The following TRPM3 variants were observed in gnomAD, a reference collection of about 807,000 sequenced individuals.
TRPM3 encodes transient receptor potential cation channel subfamily M member 3, also known as long transient receptor potential channel 3.
A neutral mutation model predicts 181.2 loss-of-function variants in TRPM3; 77 were observed. The observed-to-expected ratio is 0.42, with a 90% CI of 0.35 to 0.51. TRPM3 has a LOEUF of 0.51. Among genes scored for constraint, TRPM3 ranks in the 20% least tolerant of loss-of-function variants. The probability of loss-of-function intolerance (pLI) is 0.01; values close to 1 mark genes in which losing one functional copy is unlikely to be tolerated. For missense variants in TRPM3, 1,759 were observed against 2,196.7 expected (o/e 0.80, Z 3.98); for synonymous variants, 745 against 796.4 (o/e 0.94, Z 1.09).
intron 22 of TRPM3, among the ~76,000 whole-genome samples, chr9:70,571,685 G>A (rs573803633): frequency 1.3e-5 from 2 of 152,186 alleles, no homozygotes; most frequent in East Asian, 1.9e-4. Context: ...TATCTTGTAG[G>A]ATTGTTGTGG....
In TRPM3 at chr9:70,553,004, G is replaced by C; in HGVS notation, c.3414C>G (p.Val1138=). The C allele has an allele frequency of 6.2e-7, 1 of 1,614,190 alleles. No homozygotes were observed. Among genetic ancestry groups the C allele is most frequent in the Admixed American group, 1.7e-5 (1 of 60,020 alleles). ...TGAGCTGATACCTCTGAAACTTCCA[G>C]ACTTGGTTGGATATCGATTTTACTT... The part of the protein sequence containing the change: ...FFEVKSISNQ[V]WKFQRYQLIM... The change falls in exon 24 of 26, where the codon GTC becomes GTG. Residue 1138 remains valine (V), a synonymous_variant. Coordinates refer to ENST00000677713, the MANE Select transcript of TRPM3 (RefSeq NM_001366145.2).
chr9:71,317,640 CAA>C (rs58631084), intron 1 of TRPM3, among the ~76,000 whole-genome samples: 45 of 126,312 alleles, frequency 3.6e-4, no homozygotes, highest in Non-Finnish European at 5.3e-4. Flanking sequence ...GACCCTCTCT[CAA>C]AAAAAAAAAA....
At chr9:70,591,909 A>C (rs541417751) in intron 21 of TRPM3, among the ~76,000 whole-genome samples, 66 of 152,292 alleles carry the variant, frequency 4.3e-4, no homozygotes, top group African/African-American at 1.4e-3. Context: ...TTTCTTGGGC[A>C]TTAGAATCAT....
At chr9:70,683,662 T>C (rs544174155) in intron 8 of TRPM3, among the ~76,000 whole-genome samples, 1 of 152,064 alleles carries the variant, frequency 6.6e-6, no homozygotes, top group Admixed American at 6.6e-5. Flanking sequence ...GGCCGTCAGG[T>C]AGAGGTGTGT....
intron 12 of TRPM3, 55 bp downstream of exon 12, chr9:70,635,156 A>G (rs2056946972): frequency 1.3e-6 from 2 of 1,528,058 alleles, no homozygotes; most frequent in South Asian, 2.3e-5. Context: ...GCACTCTCTA[A>G]TCACAGGAAG....
intron 1 of TRPM3, among the ~76,000 whole-genome samples, chr9:71,102,224 C>A (rs918225): frequency 2.0e-5 from 3 of 151,908 alleles, no homozygotes; most frequent in South Asian, 2.1e-4. Flanking sequence ...TGAAACCACC[C>A]GTCCTGGAAT....
At chr9:71,331,753 G>T (rs1171471605) in intron 1 of TRPM3, among the ~76,000 whole-genome samples, 6 of 130,324 alleles carry the variant, frequency 4.6e-5, no homozygotes, top group Non-Finnish European at 8.2e-5. Flanking sequence ...AGGAGGAAAA[G>T]GGGGAGAAAA....
chr9:71,430,743 G>A (rs938888607), intron 1 of TRPM3, among the ~76,000 whole-genome samples: 4 of 152,142 alleles, frequency 2.6e-5, no homozygotes, highest in South Asian at 2.1e-4. Flanking sequence ...CTCAAGAGGC[G>A]GAGGTTGCAG....
intron 7 of TRPM3, among the ~76,000 whole-genome samples, chr9:70,768,029 G>A (rs770593943): frequency 2.6e-5 from 4 of 152,100 alleles, no homozygotes; most frequent in Non-Finnish European, 5.9e-5. Flanking sequence ...ATACACTGAA[G>A]GAATATATTA....
intron 1 of TRPM3, among the ~76,000 whole-genome samples, chr9:71,279,053 A>AAAAAAAAAAAAC (rs1350151456): frequency 7.2e-6 from 1 of 139,828 alleles, no homozygotes; most frequent in Non-Finnish European, 1.5e-5. Context: ...ATAAAAATAA[A>AAAAAAAAAAAAC]AATAAAAATA....
chr9:70,834,677 GA>G (rs1346554297), intron 5 of TRPM3, among the ~76,000 whole-genome samples: 1 of 152,126 alleles, frequency 6.6e-6, no homozygotes, highest in Non-Finnish European at 1.5e-5. Context: ...GCCGTGTAGA[GA>G]GGTCCACATG....
intron 1 of TRPM3, among the ~76,000 whole-genome samples, chr9:70,908,818 G>A (rs2096502094): frequency 1.3e-5 from 2 of 152,274 alleles, no homozygotes; most frequent in South Asian, 4.1e-4. Context: ...TCCAGAAGCA[G>A]ACCTATGCAT....
rs1406256935 is a variant in TRPM3 at position 70,531,965 on chromosome 9, A to G, written c.*3988T>C. On this transcript the variant is annotated 3_prime_UTR_variant, in exon 26 of 26. Coordinates refer to ENST00000677713, the MANE Select transcript of TRPM3 (RefSeq NM_001366145.2). Reference sequence around the variant, plus strand: ...ATTGGGAACATAATTAATCATTGCAACATGTGTTTCTTTATTGAATGTTAC... The same window carrying G: ...ATTGGGAACATAATTAATCATTGCAGCATGTGTTTCTTTATTGAATGTTAC... 6.6e-6 allele frequency: 1 copy of G among 152,218 alleles called. No homozygotes were observed. Among genetic ancestry groups the G allele is most frequent in the Non-Finnish European group, 1.5e-5 (1 of 68,032 alleles). The allele number at this position is 152,218 out of a possible 1,614,324, so 9.4% of individuals were successfully genotyped here.
intron 8 of TRPM3, among the ~76,000 whole-genome samples, chr9:70,742,041 TA>T (rs1266619132): frequency 1.3e-5 from 2 of 152,286 alleles, no homozygotes; most frequent in East Asian, 3.9e-4. Flanking sequence ...TTTTGTTTTT[TA>T]AAGTTTTTTA....
Position 71,344,077 on chromosome 9 carries a change from G to T in TRPM3, c.183+102576C>A, listed in dbSNP as rs376095761. Among the ~76,000 whole-genome samples, 45 of 148,472 alleles carry T rather than the reference G, an allele frequency of 3.0e-4. No individual in the cohort carries two copies. The South Asian group carries it at 9.6e-3, about 32-fold the overall frequency. ...ATAGATAGATAAACTGAAGAGGAGG[G>T]AATCTTCATTACATAAGATGATAAC... is the stretch of plus-strand genomic sequence containing the variant. On this transcript the variant is annotated intron_variant, in intron 1 of 24. Transcript: ENST00000357533.
rs2090794801 is a variant in TRPM3 at position 71,339,378 on chromosome 9, CAAAGA to C, written c.183+107270_183+107274del. Among the ~76,000 whole-genome samples the C allele has an allele frequency of 2.0e-5, 3 of 151,940 alleles. No individual in the cohort carries two copies. In the South Asian group the frequency reaches 6.2e-4, roughly 32 times the overall value. Reference sequence around the variant, plus strand: ...TATGCAAGAATAACTAGAAAACAGTCAAAGAAAAGAGCTTTAAAGGAAAAATAGCT... The same window carrying C: ...TATGCAAGAATAACTAGAAAACAGTCAAAGAGCTTTAAAGGAAAAATAGCT... On this transcript the variant is annotated intron_variant, in intron 1 of 24. Transcript: ENST00000357533.
intron 1 of TRPM3, among the ~76,000 whole-genome samples, chr9:70,921,323 T>C (rs2096650986): frequency 6.6e-6 from 1 of 152,232 alleles, no homozygotes; most frequent in African/African-American, 2.4e-5. Flanking sequence ...ACAGAGTACT[T>C]TGTGTCTCGG....
At chr9:71,402,580 C>T (rs367674884) in intron 1 of TRPM3, among the ~76,000 whole-genome samples, 7 of 152,156 alleles carry the variant, frequency 4.6e-5, no homozygotes, top group African/African-American at 1.7e-4. Flanking sequence ...TTCTTTCCTA[C>T]ATCACTAAAT....
chr9:70,742,969 C>G lies in TRPM3; in HGVS notation c.1272+18632G>C, dbSNP rs555644793. On this transcript the variant is annotated intron_variant, in intron 8 of 25. Coordinates refer to ENST00000677713, the MANE Select transcript of TRPM3 (RefSeq NM_001366145.2). ...CAATCACCAATTCCTTTGAGAGAAA[C>G]TATTTTTCATTGTGGATTTCTGGGA... 1.2e-3 allele frequency among the ~76,000 whole-genome samples: 182 copies of G among 152,284 alleles called. 1 individual carries two copies. The highest frequency in any genetic ancestry group is 9.3e-4 in the Non-Finnish European group (63 of 68,030).
Sources: gnomAD v4.1 joint callset for allele counts (sites outside exome capture counted in the v4.1 genomes callset) on GRCh38, gnomAD v4.1.1 for gene constraint, MANE v1.5 for transcripts, NCBI Gene and HGNC (gene_info 2026-07-23, HGNC 2026-07-21) for gene names.